The following SNX7 variants were observed in gnomAD, a reference collection of about 807,000 sequenced individuals.
SNX7 encodes the protein sorting nexin 7.
A neutral mutation model predicts 48.4 loss-of-function variants in SNX7; 35 were observed. The ratio of observed to expected loss-of-function variants is 0.72; its 90% CI spans 0.55 to 0.96. The LOEUF is 0.96. Among genes scored for constraint, SNX7 ranks in the 40% least tolerant of loss-of-function variants. The pLI is 0.00. For synonymous variants in SNX7, 190 were observed against 190.2 expected (o/e 1.00, Z 0.01); for missense variants, 553 against 548.9 (o/e 1.01, Z -0.07).
intron 7 of SNX7, among the ~76,000 whole-genome samples, chr1:98,703,026 T>G (rs1393404555): frequency 6.6e-6 from 1 of 152,030 alleles, no homozygotes; most frequent in East Asian, 1.9e-4. Context: ...CTTCCTAACA[T>G]ATGACTTCCT....
intron 7 of SNX7, among the ~76,000 whole-genome samples, chr1:98,721,099 T>A (rs5010319): frequency 0.57 from 85,794 of 151,634 alleles, 25,035 homozygotes; most frequent in Non-Finnish European, 0.64. Context: ...ACCTCAAGTT[T>A]GTGTTCCCAA....
At chr1:98,670,557 TA>T (rs928504694) in intron 1 of SNX7, among the ~76,000 whole-genome samples, 2 of 152,222 alleles carry the variant, frequency 1.3e-5, no homozygotes, top group Admixed American at 1.3e-4. Flanking sequence ...GTACCTTTTC[TA>T]ATCATGTGTT....
At chr1:98,759,366 T>C (rs540696189) in intron 8 of SNX7, among the ~76,000 whole-genome samples, 1 of 152,162 alleles carries the variant, frequency 6.6e-6, no homozygotes, top group African/African-American at 2.4e-5. Context: ...ACTAGTCTAT[T>C]AGGAGGATCA....
intron 8 of SNX7, among the ~76,000 whole-genome samples, chr1:98,739,474 C>A (rs1337919818): frequency 6.6e-6 from 1 of 152,194 alleles, no homozygotes; most frequent in Non-Finnish European, 1.5e-5. Flanking sequence ...TATCACCAGA[C>A]ATTGTGCCTG....
chr1:98,746,511 C>T (rs1055789852), intron 8 of SNX7, among the ~76,000 whole-genome samples: 1 of 152,058 alleles, frequency 6.6e-6, no homozygotes, highest in Non-Finnish European at 1.5e-5. Context: ...TTTGTTTGCT[C>T]ACAGAAGCCA....
Position 98,760,259 on chromosome 1 carries a change from C to T in SNX7, c.*128C>T, listed in dbSNP as rs929173630. 5.9e-6 allele frequency: 4 copies of T among 680,444 alleles called. No homozygotes were observed. The Admixed American group carries it at 1.0e-4, about 17-fold the overall frequency. 42.2% of individuals were successfully genotyped at this position (680,444 alleles called of 1,614,324 possible). On this transcript the variant is annotated 3_prime_UTR_variant, in exon 9 of 9. Coordinates refer to ENST00000306121, the MANE Select transcript of SNX7 (RefSeq NM_015976.5). ...TTGTACCCATCTGGAAAACCAACAA[C>T]TTGAAATCTCAGGTATTCCAGGTCA...
chr1:98,737,073 C>T (rs1361730219), intron 7 of SNX7, among the ~76,000 whole-genome samples: 1 of 145,656 alleles, frequency 6.9e-6, no homozygotes, highest in Non-Finnish European at 1.5e-5. Context: ...AGGACTTTTC[C>T]CCTCGCTTTT....
chr1:98,682,885 C>A (rs559270213), intron 1 of SNX7, among the ~76,000 whole-genome samples: 1 of 152,100 alleles, frequency 6.6e-6, no homozygotes, highest in Non-Finnish European at 1.5e-5. Flanking sequence ...CTGCCTGTAT[C>A]CTTCAATTTA....
intron 4 of SNX7, among the ~76,000 whole-genome samples, 159 bp downstream of exon 4, chr1:98,691,858 C>T (rs1651146909): frequency 1.3e-5 from 2 of 149,938 alleles, no homozygotes; most frequent in South Asian, 2.1e-4. Flanking sequence ...CAGATATAAC[C>T]CTGTGTCAAA....
intron 7 of SNX7, among the ~76,000 whole-genome samples, chr1:98,717,739 A>G (rs1652664671): frequency 6.6e-6 from 1 of 152,114 alleles, no homozygotes; most frequent in Non-Finnish European, 1.5e-5. Flanking sequence ...AAATGAGATA[A>G]GGAGGTACAG....
chr1:98,696,603 C>CA (rs896928844), intron 5 of SNX7, among the ~76,000 whole-genome samples: 1 of 152,012 alleles, frequency 6.6e-6, no homozygotes, highest in Non-Finnish European at 1.5e-5. Context: ...ATTATAACTG[C>CA]ATGTACTTTG....
intron 7 of SNX7, among the ~76,000 whole-genome samples, chr1:98,717,004 C>T (rs1369556014): frequency 6.8e-6 from 1 of 147,086 alleles, no homozygotes; most frequent in Admixed American, 6.8e-5. Context: ...CTTCTTTTAT[C>T]TTCTTTAAAA....
chr1:98,694,902 C>T (rs891847297), intron 4 of SNX7, among the ~76,000 whole-genome samples: 3 of 151,882 alleles, frequency 2.0e-5, no homozygotes, highest in Admixed American at 6.6e-5. Context: ...CCACTGCACC[C>T]GGCCTGCTCT....
At chr1:98,759,192 C>T (rs1348942438) in intron 8 of SNX7, among the ~76,000 whole-genome samples, 1 of 151,506 alleles carries the variant, frequency 6.6e-6, no homozygotes, top group African/African-American at 2.4e-5. Context: ...ACATACATGT[C>T]TATGGCAGTC....
At chr1:98,671,336 G>A (rs995847361) in intron 1 of SNX7, among the ~76,000 whole-genome samples, 2 of 152,076 alleles carry the variant, frequency 1.3e-5, no homozygotes, top group Admixed American at 6.5e-5. Flanking sequence ...TATCAATCAA[G>A]CTGGATAATA....
At chr1:98,666,077 A>G (rs1294786480) in intron 1 of SNX7, among the ~76,000 whole-genome samples, 1 of 152,214 alleles carries the variant, frequency 6.6e-6, no homozygotes. Flanking sequence ...CCTGCTTACT[A>G]ATTTCTCACA....
chr1:98,754,837 G>GT (rs948619431), intron 8 of SNX7, among the ~76,000 whole-genome samples: 11 of 147,412 alleles, frequency 7.5e-5, no homozygotes, highest in Middle Eastern at 3.3e-3. Flanking sequence ...TCTGTTTTTT[G>GT]TTTTTTTTTC....
At chr1:98,696,448 G>A (rs984751718) in intron 5 of SNX7, among the ~76,000 whole-genome samples, 2 of 151,604 alleles carry the variant, frequency 1.3e-5, no homozygotes, top group Non-Finnish European at 2.9e-5. Flanking sequence ...TCTAGTATCC[G>A]GGCAGTGTTT....
intron 8 of SNX7, among the ~76,000 whole-genome samples, chr1:98,749,794 G>A (rs963436019): frequency 6.6e-6 from 1 of 152,058 alleles, no homozygotes; most frequent in Non-Finnish European, 1.5e-5. Context: ...AATTTTTATA[G>A]ATGATAAATA....
Sources: allele counts gnomAD v4.1 joint callset (sites outside exome capture counted in the v4.1 genomes callset), GRCh38; gene constraint gnomAD v4.1.1; transcripts MANE v1.5; gene names NCBI Gene and HGNC (gene_info 2026-07-23, HGNC 2026-07-21).